The following GLYATL2 variants were observed in gnomAD, a reference collection of about 807,000 sequenced individuals.
GLYATL2 encodes the protein glycine N-acyltransferase-like protein 2.
In GLYATL2, 25 loss-of-function variants were observed where a neutral mutation model predicts 21.4. The ratio of observed to expected loss-of-function variants is 1.17; its 90% confidence interval spans 0.85 to 1.63. The LOEUF (loss-of-function observed/expected upper bound fraction) is 1.63. Among genes scored for constraint, GLYATL2 ranks in the 40% most tolerant of loss-of-function variants. The pLI is 0.00. For synonymous variants in GLYATL2, 114 were observed against 118.2 expected, an observed-to-expected ratio of 0.96 and a Z score of 0.23; for missense variants, 361 against 343.3, an observed-to-expected ratio of 1.05 and a Z score of -0.41.
At chr11:58,903,113 C>G (rs1447850312) in intron 1 of GLYATL2, among the ~76,000 whole-genome samples, 1 of 152,204 alleles carries the variant, frequency 6.6e-6, no homozygotes, top group Non-Finnish European at 1.5e-5. Context: ...TGTGGTTCAG[C>G]TGTTACTCCA....
At chr11:58,891,833 T>C (rs186180117) in intron 1 of GLYATL2, among the ~76,000 whole-genome samples, 10 of 152,102 alleles carry the variant, frequency 6.6e-5, no homozygotes, top group Admixed American at 2.6e-4. Flanking sequence ...AGAGAAGCAA[T>C]TGTTGCAATC....
In GLYATL2 at chr11:58,841,985, G is replaced by A. The variant is rs1853561705; in HGVS notation, c.-40-2333C>T. Among the ~76,000 whole-genome samples the A allele has an allele frequency of 2.0e-5, 3 of 152,158 alleles. No homozygotes were observed. In the East Asian group the frequency reaches 5.8e-4, roughly 29 times the overall value. On this transcript the variant is annotated intron_variant, in intron 1 of 5. Coordinates refer to ENST00000287275, the MANE Select transcript of GLYATL2 (RefSeq NM_145016.4). ...GAACATGAGAATATCGAAGGACAGA[G>A]GAGAGGTACAAGAGCTCAAAAAAGG...
At chr11:58,854,819 T>G (rs1853801337) in intron 1 of GLYATL2, among the ~76,000 whole-genome samples, 1 of 152,240 alleles carries the variant, frequency 6.6e-6, no homozygotes, top group African/African-American at 2.4e-5. Flanking sequence ...TTTGTTATCA[T>G]TTCAGCAATG....
intron 5 of GLYATL2, among the ~76,000 whole-genome samples, chr11:58,835,937 A>G (rs1472587831): frequency 2.6e-5 from 4 of 152,202 alleles, no homozygotes; most frequent in African/African-American, 4.8e-5. Context: ...CAGGATTTGA[A>G]GAGTGTTGAC....
intron 1 of GLYATL2, among the ~76,000 whole-genome samples, chr11:58,872,679 T>C (rs1017323172): frequency 1.6e-4 from 25 of 152,260 alleles, no homozygotes; most frequent in Non-Finnish European, 3.1e-4. Flanking sequence ...GCTGTTTTGG[T>C]TACTGTAGCC....
At position 58,868,984 on chromosome 11, in the gene GLYATL2, A is replaced by AGCC. The variant is rs1266232410; in HGVS notation, n.61-30617_61-30616insGGC. On this transcript the variant is annotated intron_variant and non_coding_transcript_variant, in intron 1 of 4. Coordinates refer to the GLYATL2 transcript ENST00000533636. ...GGACACTCTTGGGGAGTTGTTCGTC[A>AGCC]TTTTGTGTGTGTCCAGGCAAGTGAG... Among the ~76,000 whole-genome samples the AGCC allele has an allele frequency of 1.5e-4, 20 of 132,910 alleles. 1 individual carries two copies. The highest frequency in any genetic ancestry group is 6.8e-4 in the East Asian group (2 of 2,934). The allele number at this position is 132,910 out of a possible 152,430, so 87.2% of individuals were successfully genotyped here.
At chr11:58,889,021 C>CTT (rs11384510) in intron 1 of GLYATL2, among the ~76,000 whole-genome samples, 132 of 151,112 alleles carry the variant, frequency 8.7e-4, no homozygotes, top group Non-Finnish European at 8.7e-4. Context: ...CAAATATGCT[C>CTT]TTTTTTTTCA....
At chr11:58,845,982 C>T (rs1853635185), upstream of GLYATL2, among the ~76,000 whole-genome samples, 1 of 151,028 alleles carries the variant, frequency 6.6e-6, no homozygotes, top group Non-Finnish European at 1.5e-5. Context: ...ACTTTTTGAA[C>T]CAAAAGTGGT....
At chr11:58,859,137 A>G (rs979647123) in intron 1 of GLYATL2, among the ~76,000 whole-genome samples, 1 of 152,132 alleles carries the variant, frequency 6.6e-6, no homozygotes, top group African/African-American at 2.4e-5. Context: ...CCCAACTGCC[A>G]CTGCCTTTGG....
intron 1 of GLYATL2, among the ~76,000 whole-genome samples, chr11:58,888,172 T>A (rs1229107489): frequency 6.6e-6 from 1 of 152,172 alleles, no homozygotes; most frequent in Non-Finnish European, 1.5e-5. Context: ...TGGGGTTTTG[T>A]GTCATTCTTA....
rs933066536 is a variant in GLYATL2, at chr11:58,874,168, G to A, written n.60+29988C>T. On this transcript the variant is annotated intron_variant and non_coding_transcript_variant, in intron 1 of 4. Coordinates refer to the GLYATL2 transcript ENST00000533636. Reference sequence around the variant, plus strand: ...TGTCATTTTTTTATTGCATCTATTTGATTCTCCTCTCTTTTCTTCTTATTA... The same window carrying A: ...TGTCATTTTTTTATTGCATCTATTTAATTCTCCTCTCTTTTCTTCTTATTA... 4.7e-4 allele frequency among the ~76,000 whole-genome samples: 72 copies of A among 152,086 alleles called. 2 individuals are homozygous for A. The highest frequency in any genetic ancestry group is 1.6e-3 in the African/African-American group (65 of 41,466).
At chr11:58,889,373 T>C (rs956721640) in intron 1 of GLYATL2, among the ~76,000 whole-genome samples, 6 of 152,014 alleles carry the variant, frequency 3.9e-5, no homozygotes, top group Admixed American at 1.3e-4. Flanking sequence ...CCAATATTTA[T>C]ATGGGTTTTT....
chr11:58,874,355 T>A (rs1001209573), intron 1 of GLYATL2, among the ~76,000 whole-genome samples: 2 of 152,204 alleles, frequency 1.3e-5, no homozygotes, highest in Non-Finnish European at 2.9e-5. Flanking sequence ...TGCTTTTGCT[T>A]CTCTAGTTCT....
intron 1 of GLYATL2, among the ~76,000 whole-genome samples, chr11:58,873,981 T>A (rs1417734820): frequency 6.6e-6 from 1 of 152,234 alleles, no homozygotes; most frequent in Non-Finnish European, 1.5e-5. Context: ...ATTGGTCTAT[T>A]GAGAGATTCA....
intron 1 of GLYATL2, among the ~76,000 whole-genome samples, chr11:58,861,494 ATCT>A (rs1411397714): frequency 6.0e-5 from 9 of 151,240 alleles, no homozygotes; most frequent in Admixed American, 5.9e-4. Context: ...AGGTTTGTCA[ATCT>A]TCTTTATCTT....
At chr11:58,893,015 T>C (rs996934674) in intron 1 of GLYATL2, 5 of 331,004 alleles carry the variant, frequency 1.5e-5, no homozygotes, top group African/African-American at 1.1e-4. Context: ...GAGGAGTGCC[T>C]GGGATCTCTT....
chr11:58,871,907 A>C (rs1854129081), intron 1 of GLYATL2, among the ~76,000 whole-genome samples: 1 of 152,218 alleles, frequency 6.6e-6, no homozygotes, highest in Non-Finnish European at 1.5e-5. Context: ...CCAGCGGTGT[A>C]AAAGTGTTCC....
At chr11:58,879,621 G>A (rs565938173) in intron 1 of GLYATL2, among the ~76,000 whole-genome samples, 83 of 152,218 alleles carry the variant, frequency 5.5e-4, no homozygotes, top group Admixed American at 5.9e-4. Flanking sequence ...TAAGTACCTA[G>A]AATAGGCAAA....
Position 58,874,539 on chromosome 11 carries a change from G to A in GLYATL2, n.60+29617C>T, listed in dbSNP as rs532551116. On this transcript the variant is annotated intron_variant and non_coding_transcript_variant, in intron 1 of 4. Transcript: ENST00000533636. ...ACATCTTTATTTCTGCCTTCATTTC[G>A]TTGTGTACCCAGTAGTCATTCAGGA... Among the ~76,000 whole-genome samples the A allele has an allele frequency of 2.2e-3, 331 of 152,178 alleles. 3 individuals carry two copies. The highest frequency in any genetic ancestry group is 6.9e-3 in the African/African-American group (287 of 41,546).
Sources: gnomAD v4.1 joint callset for allele counts (sites outside exome capture counted in the v4.1 genomes callset) on GRCh38, gnomAD v4.1.1 for gene constraint, MANE v1.5 for transcripts, NCBI Gene and HGNC (gene_info 2026-07-23, HGNC 2026-07-21) for gene names.